KIAA0408: variants seen among roughly 807,000 people sequenced by gnomAD.
The protein encoded by KIAA0408 is KIAA0408, also known as uncharacterized protein KIAA0408.
In KIAA0408, 51 loss-of-function variants were observed where a neutral mutation model predicts 60.9. The observed-to-expected ratio is 0.84, with a 90% CI of 0.67 to 1.06. KIAA0408 has a LOEUF of 1.06. KIAA0408 is among the 50% of genes least tolerant of loss of function. The pLI, the probability that KIAA0408 is intolerant of heterozygous loss-of-function variation, is 0.00. For synonymous variants in KIAA0408, 304 were observed against 282.4 expected (o/e 1.08, Z -0.77); for missense variants, 787 against 833.9 (o/e 0.94, Z 0.69).
chr6:127,447,496 G>C lies in KIAA0408; in HGVS notation c.823C>G (p.Arg275Gly). The C allele has an allele frequency of 6.2e-7, 1 of 1,613,408 alleles. No individual in the cohort carries two copies. Among genetic ancestry groups the C allele is most frequent in the Non-Finnish European group, 8.5e-7 (1 of 1,179,824 alleles). The change falls in exon 5 of 6, where the codon CGA becomes GGA. Residue 275 changes from arginine to glycine, a missense_variant. Physicochemically the swap from Arg to Gly is moderately radical, Grantham distance 125 (BLOSUM62 -2). Around this residue, in one of 3 missense-constraint regions of KIAA0408, gnomAD observed 640 missense variants for 681.3 expected, o/e 0.94. Transcript: ENST00000483725. ...PPVPPPRSTS[R>G]NFPSSDSEQA... ...TCAGAATCCGAGCTGGGAAAATTTC[G>C]AGAGGTGCTTCTTGGAGGAGGAACT...
At chr6:127,447,772 A>G (rs1773230497) in intron 4 of KIAA0408, 32 bp from the exon 5 acceptor site, 10 of 1,480,338 alleles carry the variant, frequency 6.8e-6, no homozygotes, top group East Asian at 4.7e-5. Flanking sequence ...TGTATTGGTT[A>G]TAACTTTATT....
rs201602474 is a variant in KIAA0408 at position 127,444,108 on chromosome 6, C to T, written c.*1G>A. 7 of 1,613,834 alleles carry T rather than the reference C, an allele frequency of 4.3e-6. No homozygotes were observed. The Admixed American group carries it at 8.3e-5, about 19-fold the overall frequency. ...GTAATATAGCAATCCAGGCCAAAGA[C>T]TTAAACCATCAATGCTTCGGATCGC... On this transcript the variant is annotated 3_prime_UTR_variant, in exon 6 of 6. Transcript: ENST00000483725.
chr6:127,458,598 A>G (rs904847853), intron 1 of KIAA0408, among the ~76,000 whole-genome samples: 4 of 152,230 alleles, frequency 2.6e-5, no homozygotes, highest in African/African-American at 7.2e-5. Context: ...AAAACTAACC[A>G]TCGTGAACAA....
At chr6:127,448,894 G>A (rs2114796006) in intron 4 of KIAA0408, among the ~76,000 whole-genome samples, 1 of 152,230 alleles carries the variant, frequency 6.6e-6, no homozygotes, top group Admixed American at 6.5e-5. Context: ...TACTAAACTT[G>A]TAGAGAATTC....
chr6:127,454,071 G>A lies in KIAA0408; in HGVS notation c.-90C>T. ...TTGGAAGCTTGAAGTTGTTTTATTT[G>A]AAGCAGTCTCACTTGCCTTTAAAAT... On this transcript the variant is annotated 5_prime_UTR_variant, in exon 2 of 6. Transcript: ENST00000483725. 9.5e-6 allele frequency: 14 copies of A among 1,474,134 alleles called. No homozygotes were observed. The highest frequency in any genetic ancestry group is 1.3e-5 in the Non-Finnish European group (14 of 1,113,842). The allele number at this position is 1,474,134 out of a possible 1,614,324, so 91.3% of individuals were successfully genotyped here.
Position 127,450,106 on chromosome 6 carries a change from A to T in KIAA0408, c.382T>A (p.Ser128Thr). ...AAAGGATCCAAAAACCCTACTTTTG[A>T]TTTTTTTGTTGCTTTTTGTTCCTTA... ...MCKEQKATKK[S>T]KVGFLDPLAT... is the part of the protein sequence containing the mutation. The change falls in exon 3 of 6, where the codon TCA (serine) becomes ACA (threonine). Residue 128 changes from serine to threonine, a missense_variant. Physicochemically the swap from Ser to Thr is moderately conservative, Grantham distance 58. Around this residue, in one of 3 missense-constraint regions of KIAA0408, gnomAD observed 640 missense variants for 681.3 expected, o/e 0.94. Coordinates refer to ENST00000483725, the MANE Select transcript of KIAA0408 (RefSeq NM_014702.5). 2 of 1,613,988 alleles carry T rather than the reference A, an allele frequency of 1.2e-6. No individual in the cohort carries two copies. Among genetic ancestry groups the T allele is most frequent in the Non-Finnish European group, 1.7e-6 (2 of 1,179,934 alleles).
In KIAA0408 at chr6:127,442,974, A is replaced by G. The variant is rs945324665; in HGVS notation, c.*1135T>C. On this transcript the variant is annotated 3_prime_UTR_variant, in exon 6 of 6. Transcript: ENST00000483725. The stretch of plus-strand genomic sequence containing the variant: ...ATTCCTGATGCTACTGTGGATGTCA[A>G]GGTTTAGTTTAAGCCTTTTTTCGGT... 5.3e-5 allele frequency: 8 copies of G among 152,176 alleles called. No homozygotes were observed. The highest frequency in any genetic ancestry group is 3.2e-3 in the Middle Eastern group (1 of 316). 9.4% of individuals were successfully genotyped at this position (152,176 alleles called of 1,614,324 possible). A position where few individuals can be genotyped will look rare whatever the true frequency, so the allele number is the denominator to read the frequency against.
At position 127,452,333 on chromosome 6, in the gene KIAA0408, A is replaced by G. The variant is rs553664782; in HGVS notation, c.135+1514T>C. 2.6e-5 allele frequency among the ~76,000 whole-genome samples: 4 copies of G among 152,226 alleles called. No homozygotes were observed. In the South Asian group the frequency reaches 8.3e-4, roughly 32 times the overall value. ...TTGATTTCTTAATTTTAGTTTAGTT[A>G]TGGAGCTGTATAGCACAGGCAGCAA... is the stretch of plus-strand genomic sequence containing the variant. On this transcript the variant is annotated intron_variant, in intron 2 of 5. Coordinates refer to ENST00000483725, the MANE Select transcript of KIAA0408 (RefSeq NM_014702.5).
rs1773208846 is a variant in KIAA0408 at position 127,446,922 on chromosome 6, G to A, written c.1397C>T (p.Ser466Leu). 1 of 1,613,956 alleles carries A rather than the reference G, an allele frequency of 6.2e-7. No homozygotes were observed. The highest frequency in any genetic ancestry group is 1.7e-5 in the Admixed American group (1 of 59,992). Residue 466 changes from serine (S) to leucine (L), a missense_variant, in exon 5 of 6, where the codon TCA becomes TTA. Coordinates refer to ENST00000483725, the MANE Select transcript of KIAA0408 (RefSeq NM_014702.5). ...GGGCTTGAGATCCTCCGATGATTTT[G>A]AGCAGCTGTGATTTTGCTGTATTGC... ...CQAIQQNHSC[S>L]KSSEDLKPCD... is the part of the protein sequence containing the mutation.
intron 5 of KIAA0408, 107 bp from the exon 6 acceptor site, chr6:127,444,389 A>C: frequency 1.1e-6 from 1 of 879,292 alleles, no homozygotes; most frequent in South Asian, 2.7e-5. Flanking sequence ...ATTTACAAGA[A>C]AGAAAAAGCA....
chr6:127,455,077 G>A (rs1773369681), intron 1 of KIAA0408, among the ~76,000 whole-genome samples: 1 of 152,064 alleles, frequency 6.6e-6, no homozygotes, highest in South Asian at 2.1e-4. Flanking sequence ...ATTTAAGAAA[G>A]TTTTCTATTT....
rs1583064147 is a variant in KIAA0408, at chr6:127,442,395, T to G, written c.*1714A>C. ...TTCTCCCCTCTAGCTGGAAAGCATA[T>G]TATGAGAGTGATATTACTTGGTGTC... On this transcript the variant is annotated 3_prime_UTR_variant, in exon 6 of 6. Coordinates refer to ENST00000483725, the MANE Select transcript of KIAA0408 (RefSeq NM_014702.5). The G allele has an allele frequency of 6.6e-6, 1 of 152,242 alleles. No homozygotes were observed. Among genetic ancestry groups the G allele is most frequent in the South Asian group, 2.1e-4 (1 of 4,834 alleles). The allele number at this position is 152,242 out of a possible 1,614,324, so 9.4% of individuals were successfully genotyped here.
rs1404392989 is a variant in KIAA0408, at chr6:127,443,418, G to T, written c.*691C>A. 6.6e-6 allele frequency: 1 copy of T among 151,982 alleles called. No individual in the cohort carries two copies. The highest frequency in any genetic ancestry group is 1.5e-5 in the Non-Finnish European group (1 of 67,976). The allele number at this position is 151,982 out of a possible 1,614,324, so 9.4% of individuals were successfully genotyped here. ...GAACATTTTATGCTTGCTTTACAAG[G>T]CTGATCTATTAAACTTGTGACATTT... On this transcript the variant is annotated 3_prime_UTR_variant, in exon 6 of 6. Transcript: ENST00000483725.
rs976913308 is a variant in KIAA0408, at chr6:127,441,088, A to G, written c.*3021T>C. On this transcript the variant is annotated 3_prime_UTR_variant, in exon 6 of 6. Transcript: ENST00000483725. ...TTATTTGATAGCTTCTAATGGCTGA[A>G]GGAGATTTCAATATCAAGTAGTTGT... The G allele has an allele frequency of 3.3e-5, 5 of 152,210 alleles. No individual in the cohort carries two copies. The highest frequency in any genetic ancestry group is 1.2e-4 in the African/African-American group (5 of 41,456). 9.4% of individuals were successfully genotyped at this position (152,210 alleles called of 1,614,324 possible).
In KIAA0408 at chr6:127,440,259, G is replaced by GT. The variant is rs1409168404; in HGVS notation, c.*3849_*3850insA. ...CCCCAATTTTTGCCTTTTTTGCTTT[G>GT]CAAAGCACATTTTCTTGTAGGAACA... On this transcript the variant is annotated 3_prime_UTR_variant, in exon 6 of 6. Transcript: ENST00000483725. 1 of 151,098 alleles carries GT rather than the reference G, an allele frequency of 6.6e-6. No individual in the cohort carries two copies. Among genetic ancestry groups the GT allele is most frequent in the Non-Finnish European group, 1.5e-5 (1 of 67,884 alleles). 9.4% of individuals were successfully genotyped at this position (151,098 alleles called of 1,614,324 possible).
rs1289287615 is a variant in KIAA0408, at chr6:127,453,919, T to G, written c.63A>C (p.Leu21Phe). ...ETNWHKEKMELLDQFDNERKE... is the reference protein window; with the variant it reads ...ETNWHKEKMEFLDQFDNERKE... ...TTCTTTCATTGTCAAACTGGTCCAGTAATTCCATCTTTTCCTTATGCCAGT... is the reference window on the plus strand; with the variant it reads ...TTCTTTCATTGTCAAACTGGTCCAGGAATTCCATCTTTTCCTTATGCCAGT... Residue 21 changes from leucine to phenylalanine, a missense_variant, in exon 2 of 6, where the codon TTA becomes TTC. Leu to Phe is a conservative substitution (Grantham distance 22). Coordinates refer to ENST00000483725, the MANE Select transcript of KIAA0408 (RefSeq NM_014702.5). 1.2e-6 allele frequency: 2 copies of G among 1,612,966 alleles called. No homozygotes were observed. Among genetic ancestry groups the G allele is most frequent in the Non-Finnish European group, 8.5e-7 (1 of 1,179,276 alleles).
At chr6:127,454,770 T>C (rs1773362671) in intron 1 of KIAA0408, among the ~76,000 whole-genome samples, 1 of 152,172 alleles carries the variant, frequency 6.6e-6, no homozygotes, top group Non-Finnish European at 1.5e-5. Flanking sequence ...TGCTCTCTTT[T>C]CCTTTGAATA....
chr6:127,454,376 A>G (rs1351632989), intron 1 of KIAA0408: 1 of 157,552 alleles, frequency 6.3e-6, no homozygotes, highest in Non-Finnish European at 1.4e-5. Flanking sequence ...CCCTTTAACC[A>G]CTTACTCTAA....
intron 1 of KIAA0408, among the ~76,000 whole-genome samples, chr6:127,457,335 A>C (rs374155768): frequency 1.3e-5 from 2 of 152,160 alleles, no homozygotes; most frequent in Admixed American, 6.5e-5. Flanking sequence ...AGTGCTCTCT[A>C]CTGGGGCAAA....
Sources: allele counts gnomAD v4.1 joint callset (sites outside exome capture counted in the v4.1 genomes callset), GRCh38; gene constraint gnomAD v4.1.1; regional missense constraint gnomAD v4.1.1; transcripts MANE v1.5; gene names NCBI Gene and HGNC (gene_info 2026-07-23, HGNC 2026-07-21).